The following ERC1 variants were observed in gnomAD, a reference collection of about 807,000 sequenced individuals.
ERC1 encodes the protein ELKS/RAB6-interacting/CAST family member 1, also known as RAB6 interacting protein 2.
Under a neutral mutation model 132.0 loss-of-function variants are expected in ERC1, and 56 were observed. The observed-to-expected ratio is 0.42, with a 90% confidence interval of 0.34 to 0.53. The LOEUF is 0.53. ERC1 is among the 20% of genes least tolerant of loss of function. The pLI is 0.03. For synonymous variants in ERC1, 478 were observed against 476.1 expected (o/e 1.00, Z -0.05); for missense variants, 1,202 against 1,349.9 (o/e 0.89, Z 1.72).
chr12:1,428,231 G>A (rs533843591), intron 17 of ERC1, among the ~76,000 whole-genome samples: 3 of 152,098 alleles, frequency 2.0e-5, no homozygotes, highest in Admixed American at 6.5e-5. Flanking sequence ...AACTCTTCAC[G>A]TATTACTTGT....
chr12:1,204,892 C>G (rs945987120), intron 12 of ERC1, among the ~76,000 whole-genome samples: 1 of 152,164 alleles, frequency 6.6e-6, no homozygotes, highest in Non-Finnish European at 1.5e-5. Context: ...AAAGTCACAA[C>G]TGCCTATAGC....
Position 1,490,607 on chromosome 12 carries a change from T to C in ERC1, c.*377T>C, listed in dbSNP as rs7305100. 1,105 of 264,436 alleles carry C rather than the reference T, an allele frequency of 4.2e-3. 23 individuals are homozygous for C. The highest frequency in any genetic ancestry group is 0.022 in the African/African-American group (1,049 of 47,222). The allele number at this position is 264,436 out of a possible 1,614,324, so 16.4% of individuals were successfully genotyped here. Reference sequence around the variant, plus strand: ...CATGAGAATGAAACCAGGAATGGACTTGGAGTTCAACAGGCTGAGAGGATG... The same window carrying C: ...CATGAGAATGAAACCAGGAATGGACCTGGAGTTCAACAGGCTGAGAGGATG... On this transcript the variant is annotated 3_prime_UTR_variant, in exon 19 of 19. Coordinates refer to ENST00000360905, the MANE Select transcript of ERC1 (RefSeq NM_178040.4).
At chr12:1,004,781 C>G (rs992352294) in intron 1 of ERC1, among the ~76,000 whole-genome samples, 25 of 150,080 alleles carry the variant, frequency 1.7e-4, no homozygotes, top group Middle Eastern at 3.4e-3. Flanking sequence ...TGATGACTTT[C>G]TTTTCTCTGG....
intron 7 of ERC1, among the ~76,000 whole-genome samples, chr12:1,131,159 T>C (rs1228200700): frequency 6.6e-6 from 1 of 152,172 alleles, no homozygotes; most frequent in African/African-American, 2.4e-5. Flanking sequence ...TTAGAACTAG[T>C]TGGGGCCAGG....
At chr12:1,386,539 T>A (rs1395591594) in intron 16 of ERC1, 1 of 149,816 alleles carries the variant, frequency 6.7e-6, no homozygotes, top group Non-Finnish European at 1.5e-5. Flanking sequence ...TCCCAGCTAC[T>A]CCAGAGGCTG....
chr12:1,116,563 T>G (rs1946468858), intron 7 of ERC1, among the ~76,000 whole-genome samples: 1 of 148,738 alleles, frequency 6.7e-6, no homozygotes, highest in East Asian at 1.9e-4. Context: ...GTTAGTGTTT[T>G]TAGAATTTTT....
At chr12:1,370,586 AGTAT>A (rs2087107684) in intron 15 of ERC1, among the ~76,000 whole-genome samples, 1 of 152,260 alleles carries the variant, frequency 6.6e-6, no homozygotes, top group African/African-American at 2.4e-5. Flanking sequence ...AAATGGATAA[AGTAT>A]GTAAGTTACA....
intron 15 of ERC1, among the ~76,000 whole-genome samples, chr12:1,365,506 T>G (rs2086577653): frequency 6.6e-6 from 1 of 152,200 alleles, no homozygotes; most frequent in South Asian, 2.1e-4. Flanking sequence ...GCATTTGGAA[T>G]TCATTACAGA....
chr12:1,021,698 CAA>C (rs1162694084), intron 1 of ERC1, among the ~76,000 whole-genome samples: 12 of 92,188 alleles, frequency 1.3e-4, no homozygotes, highest in South Asian at 3.2e-4. Context: ...GACTCCGTCT[CAA>C]AAAAAAAAAA....
intron 12 of ERC1, among the ~76,000 whole-genome samples, chr12:1,203,555 A>G (rs1237817315): frequency 6.6e-6 from 1 of 152,256 alleles, no homozygotes; most frequent in East Asian, 1.9e-4. Flanking sequence ...AAGTCTTAGA[A>G]AACATTAAAG....
chr12:1,096,098 A>G (rs1252300108), intron 3 of ERC1, among the ~76,000 whole-genome samples: 1 of 151,844 alleles, frequency 6.6e-6, no homozygotes, highest in East Asian at 1.9e-4. Flanking sequence ...AGCTAGTTTT[A>G]TGTGTTTTTC....
intron 15 of ERC1, among the ~76,000 whole-genome samples, chr12:1,327,678 G>A (rs559029909): frequency 2.8e-4 from 42 of 152,086 alleles, no homozygotes; most frequent in Admixed American, 2.6e-3. Flanking sequence ...GGCATCAGCC[G>A]CTATTAATAT....
At position 1,080,768 on chromosome 12, in the gene ERC1, T is replaced by G. The variant is rs1425891219; in HGVS notation, c.670-2396T>G. ...TGAGGCTTCCTCAGCCATGTGGAAC[T>G]GTAAGTCCAATTAAACAAGTGCCTT... On this transcript the variant is annotated intron_variant, in intron 2 of 18. Transcript: ENST00000360905. 2.6e-5 allele frequency among the ~76,000 whole-genome samples: 4 copies of G among 152,316 alleles called. 1 individual carries two copies. Among genetic ancestry groups the G allele is most frequent in the Non-Finnish European group, 5.9e-5 (4 of 68,028 alleles).
In ERC1 at chr12:1,217,922, C is replaced by T. The variant is rs114751460; in HGVS notation, c.2352-18847C>T. ...TCTGCCCTGAGCAGCTTTATGTTAC[C>T]GGGCAAGAAGAGTCACAAAGCTTTG... On this transcript the variant is annotated intron_variant, in intron 12 of 18. Coordinates refer to ENST00000360905, the MANE Select transcript of ERC1 (RefSeq NM_178040.4). Among the ~76,000 whole-genome samples, 794 of 152,234 alleles carry T rather than the reference C, an allele frequency of 5.2e-3. 11 individuals are homozygous for T. Among genetic ancestry groups the T allele is most frequent in the African/African-American group, 0.018 (727 of 41,536 alleles).
At chr12:1,280,291 G>A (rs1227614378) in intron 14 of ERC1, among the ~76,000 whole-genome samples, 2 of 152,122 alleles carry the variant, frequency 1.3e-5, no homozygotes, top group Non-Finnish European at 2.9e-5. Flanking sequence ...CTTCCTGGAT[G>A]TTTCAATGAA....
At chr12:1,115,023 A>G (rs1946299461) in intron 6 of ERC1, among the ~76,000 whole-genome samples, 1 of 152,226 alleles carries the variant, frequency 6.6e-6, no homozygotes, top group Non-Finnish European at 1.5e-5. Context: ...AAATGAAAAG[A>G]TAACTTTTTG....
intron 14 of ERC1, among the ~76,000 whole-genome samples, chr12:1,273,712 T>C (rs1413120644): frequency 6.6e-6 from 1 of 152,158 alleles, no homozygotes; most frequent in Admixed American, 6.5e-5. Context: ...TTCAACTCTA[T>C]AGTATGTTGG....
chr12:1,011,466 A>G (rs1457971163), intron 1 of ERC1, among the ~76,000 whole-genome samples: 1 of 152,180 alleles, frequency 6.6e-6, no homozygotes, highest in African/African-American at 2.4e-5. Flanking sequence ...TTGGCCTCCC[A>G]AAGTGCCAGG....
At chr12:1,039,124 C>T (rs1209497236) in intron 2 of ERC1, among the ~76,000 whole-genome samples, 1 of 151,934 alleles carries the variant, frequency 6.6e-6, no homozygotes, top group Non-Finnish European at 1.5e-5. Context: ...ATCACGAGGT[C>T]AGGAGATCGA....
Sources: gnomAD v4.1 joint callset for allele counts (sites outside exome capture counted in the v4.1 genomes callset) on GRCh38, gnomAD v4.1.1 for gene constraint, MANE v1.5 for transcripts, NCBI Gene and HGNC (gene_info 2026-07-23, HGNC 2026-07-21) for gene names.